The following KCNIP4 variants were observed in gnomAD, a reference collection of about 807,000 sequenced individuals.
KCNIP4 encodes the protein Kv channel-interacting protein 4.
Under a neutral mutation model 34.0 loss-of-function variants are expected in KCNIP4, and 12 were observed. The observed-to-expected ratio is 0.35, with a 90% CI of 0.23 to 0.57. The LOEUF (loss-of-function observed/expected upper bound fraction) is 0.57. Among genes scored for constraint, KCNIP4 ranks in the 20% least tolerant of loss-of-function variants. The pLI is 0.83. For missense variants in KCNIP4, 238 were observed against 311.7 expected (o/e 0.76, Z 1.78); for synonymous variants, 124 against 102.2 (o/e 1.21, Z -1.29).
At chr4:21,824,309 C>G (rs932902098) in intron 1 of KCNIP4, among the ~76,000 whole-genome samples, 1 of 152,126 alleles carries the variant, frequency 6.6e-6, no homozygotes, top group Non-Finnish European at 1.5e-5. Context: ...GTAAGACTAA[C>G]AAATTAGCCA....
chr4:21,133,232 T>G (rs1422483405), intron 1 of KCNIP4, among the ~76,000 whole-genome samples: 3 of 152,168 alleles, frequency 2.0e-5, no homozygotes, highest in African/African-American at 7.2e-5. Context: ...AGTTGCCTAC[T>G]TCCTCACATA....
At chr4:21,820,194 C>A (rs6821619) in intron 1 of KCNIP4, among the ~76,000 whole-genome samples, 1 of 148,408 alleles carries the variant, frequency 6.7e-6, no homozygotes, top group Non-Finnish European at 1.5e-5. Context: ...CATTACATAT[C>A]TATGTAATAA....
At chr4:21,862,404 G>T (rs1051260954) in intron 1 of KCNIP4, among the ~76,000 whole-genome samples, 1 of 152,128 alleles carries the variant, frequency 6.6e-6, no homozygotes, top group African/African-American at 2.4e-5. Context: ...TGTTCTAAGG[G>T]AGCTTAAGTT....
intron 1 of KCNIP4, among the ~76,000 whole-genome samples, chr4:21,857,940 C>T (rs1030377942): frequency 6.6e-6 from 1 of 152,220 alleles, no homozygotes; most frequent in Non-Finnish European, 1.5e-5. Flanking sequence ...CTTCTGAATG[C>T]CACCACATTC....
At chr4:21,240,653 GAGA>G (rs1759740962) in intron 1 of KCNIP4, among the ~76,000 whole-genome samples, 1 of 152,076 alleles carries the variant, frequency 6.6e-6, no homozygotes, top group Non-Finnish European at 1.5e-5. Context: ...CAATTTATTA[GAGA>G]AGGCTTCCTG....
chr4:21,742,396 T>C (rs988748492), intron 1 of KCNIP4, among the ~76,000 whole-genome samples: 1 of 152,186 alleles, frequency 6.6e-6, no homozygotes, highest in Non-Finnish European at 1.5e-5. Flanking sequence ...CCTTCCTGAT[T>C]GCGATTTAGC....
intron 5 of KCNIP4, among the ~76,000 whole-genome samples, chr4:20,738,408 T>C (rs1310441590): frequency 6.6e-6 from 1 of 152,126 alleles, no homozygotes; most frequent in East Asian, 1.9e-4. Context: ...CCAAAAGATT[T>C]ATGGGACCTA....
At chr4:21,350,985 A>C (rs191650068) in intron 1 of KCNIP4, among the ~76,000 whole-genome samples, 30 of 152,292 alleles carry the variant, frequency 2.0e-4, no homozygotes, top group Non-Finnish European at 2.4e-4. Context: ...ATTATGCTTT[A>C]TGGGTGATTT....
At chr4:21,807,301 G>A (rs7661087) in intron 1 of KCNIP4, among the ~76,000 whole-genome samples, 11,141 of 152,168 alleles carry the variant, frequency 0.073, 514 homozygotes, top group Middle Eastern at 0.13. Context: ...ACTGCGACTC[G>A]TCCATGGCCT....
At chr4:20,905,873 A>G (rs1178690962) in intron 1 of KCNIP4, among the ~76,000 whole-genome samples, 4 of 152,032 alleles carry the variant, frequency 2.6e-5, no homozygotes, top group Non-Finnish European at 2.9e-5. Flanking sequence ...GTTAAAGCTT[A>G]ATTAAATTCG....
intron 1 of KCNIP4, among the ~76,000 whole-genome samples, chr4:21,750,420 G>A (rs559803790): frequency 6.6e-6 from 1 of 152,120 alleles, no homozygotes; most frequent in Non-Finnish European, 1.5e-5. Flanking sequence ...CACGAAACTG[G>A]AGTGACACCA....
intron 1 of KCNIP4, among the ~76,000 whole-genome samples, chr4:21,654,988 C>T (rs1747810128): frequency 6.6e-6 from 1 of 151,850 alleles, no homozygotes; most frequent in South Asian, 2.1e-4. Flanking sequence ...AGAAAAATTG[C>T]TCCTCATTCT....
intron 1 of KCNIP4, among the ~76,000 whole-genome samples, chr4:21,565,251 G>A (rs1301765142): frequency 6.6e-6 from 1 of 152,166 alleles, no homozygotes; most frequent in Admixed American, 6.5e-5. Flanking sequence ...TTCCTGGCTT[G>A]CAGATGGCCG....
intron 1 of KCNIP4, among the ~76,000 whole-genome samples, chr4:21,565,024 C>T (rs73252256): frequency 0.028 from 4,302 of 152,252 alleles, 62 homozygotes; most frequent in South Asian, 0.044. Context: ...GGGTTGGGGG[C>T]TAATATGCAA....
intron 1 of KCNIP4, among the ~76,000 whole-genome samples, chr4:21,270,989 A>C (rs1349331247): frequency 2.1e-5 from 3 of 145,314 alleles, no homozygotes; most frequent in Non-Finnish European, 1.5e-5. Context: ...CTGTCCCCAA[A>C]AAAAAAAAAA....
intron 1 of KCNIP4, among the ~76,000 whole-genome samples, chr4:20,957,973 C>G (rs1448570161): frequency 6.6e-6 from 1 of 152,196 alleles, no homozygotes; most frequent in East Asian, 1.9e-4. Context: ...CTGGAGCCCT[C>G]TTAAGAGATA....
intron 1 of KCNIP4, chr4:21,853,282 T>A (rs1200710259): frequency 6.6e-6 from 1 of 152,152 alleles, no homozygotes; most frequent in Non-Finnish European, 1.5e-5. Flanking sequence ...AATATAGGGC[T>A]CTAATATTTT....
At chr4:21,268,228 A>G (rs1337265803) in intron 1 of KCNIP4, among the ~76,000 whole-genome samples, 1 of 144,076 alleles carries the variant, frequency 6.9e-6, no homozygotes, top group Non-Finnish European at 1.5e-5. Context: ...TTCTTAAACT[A>G]AGTGAATAAA....
chr4:21,460,295 C>T (rs1053823522), intron 1 of KCNIP4, among the ~76,000 whole-genome samples: 51 of 151,906 alleles, frequency 3.4e-4, no homozygotes, highest in African/African-American at 1.2e-3. Flanking sequence ...TTAAATTTTA[C>T]CCAAATGTCA....
Sources: allele counts gnomAD v4.1 joint callset (sites outside exome capture counted in the v4.1 genomes callset), GRCh38; gene constraint gnomAD v4.1.1; transcripts MANE v1.5; gene names NCBI Gene and HGNC (gene_info 2026-07-23, HGNC 2026-07-21).